Variants in TENM2 observed in about 807,000 individuals in gnomAD.
TENM2 encodes teneurin-2.
TENM2 carries 52 observed loss-of-function variants against 245.2 expected under a neutral mutation model. The ratio of observed to expected loss-of-function variants is 0.21; its 90% CI spans 0.17 to 0.27. The LOEUF is 0.27. Ranked by LOEUF, TENM2 falls within the 10% of genes least tolerant of loss-of-function variation. The pLI, the probability that TENM2 is intolerant of heterozygous loss-of-function variation, is 1.00. For synonymous variants in TENM2, 1,363 were observed against 1,438.9 expected (o/e 0.95, Z 1.19); for missense variants, 3,046 against 3,666.8 (o/e 0.83, Z 4.37).
chr5:167,079,385 C>T, the TENM2 span, among the ~76,000 whole-genome samples: 2 of 150,306 alleles, frequency 1.3e-5, no homozygotes. Flanking sequence ...GTGATCTCAG[C>T]TCACTGCAAC....
At chr5:167,101,869 A>ATATATAAATATATATATATATATATG in the TENM2 span, among the ~76,000 whole-genome samples, 1 of 125,754 alleles carries the variant, frequency 8.0e-6, no homozygotes, top group South Asian at 2.8e-4. Context: ...ATATATATAT[A>ATATATAAATATATATATATATATATG]TATATATGCA....
intron 6 of TENM2, among the ~76,000 whole-genome samples, chr5:168,057,285 AC>A (rs937330799): frequency 6.7e-6 from 1 of 148,976 alleles, no homozygotes; most frequent in Admixed American, 6.8e-5. Flanking sequence ...CCTCCTGCTG[AC>A]CCCCTACCCC....
At chr5:167,261,101 A>G in the TENM2 span, among the ~76,000 whole-genome samples, 4 of 152,180 alleles carry the variant, frequency 2.6e-5, no homozygotes, top group Non-Finnish European at 5.9e-5. Flanking sequence ...TTAGAAATAC[A>G]GAGTCTCATG....
At chr5:167,345,819 A>G (rs1041144914) in intron 1 of TENM2, among the ~76,000 whole-genome samples, 8 of 151,872 alleles carry the variant, frequency 5.3e-5, no homozygotes, top group African/African-American at 1.9e-4. Flanking sequence ...TTTTGAGAGG[A>G]CACTTTTTTT....
chr5:167,607,018 A>G (rs904600140), intron 2 of TENM2, among the ~76,000 whole-genome samples: 8 of 152,272 alleles, frequency 5.3e-5, no homozygotes, highest in African/African-American at 1.9e-4. Context: ...TATATCAGGA[A>G]GGCAATCCAG....
At chr5:167,688,635 A>G (rs535500419) in intron 2 of TENM2, among the ~76,000 whole-genome samples, 1 of 152,250 alleles carries the variant, frequency 6.6e-6, no homozygotes, top group Non-Finnish European at 1.5e-5. Context: ...GAAAACCATG[A>G]AAACAAGTGC....
At chr5:167,459,940 A>G (rs1369545356) in intron 2 of TENM2, among the ~76,000 whole-genome samples, 4 of 151,814 alleles carry the variant, frequency 2.6e-5, no homozygotes, top group Non-Finnish European at 5.9e-5. Context: ...ACACACGCAC[A>G]CACACACACA....
chr5:167,853,406 C>A (rs113008182), intron 2 of TENM2, among the ~76,000 whole-genome samples: 1 of 151,214 alleles, frequency 6.6e-6, no homozygotes, highest in African/African-American at 2.4e-5. Context: ...GTAGAACTCT[C>A]GTGAGACAAC....
the TENM2 span, among the ~76,000 whole-genome samples, chr5:167,105,716 G>A: frequency 1.3e-5 from 2 of 149,768 alleles, no homozygotes; most frequent in African/African-American, 2.5e-5. Context: ...GTGAAACCCC[G>A]TCTCTACTAA....
At chr5:167,359,642 A>G (rs1392596334) in intron 1 of TENM2, among the ~76,000 whole-genome samples, 1 of 152,078 alleles carries the variant, frequency 6.6e-6, no homozygotes, top group Non-Finnish European at 1.5e-5. Context: ...AACCTTTGCC[A>G]GTTCTTACGT....
intron 3 of TENM2, chr5:167,937,923 C>A (rs1778861183): frequency 6.6e-6 from 1 of 152,220 alleles, no homozygotes. Context: ...TTCATGCATG[C>A]AAAGAGCACC....
intron 2 of TENM2, among the ~76,000 whole-genome samples, chr5:167,624,731 A>G (rs767604005): frequency 4.6e-5 from 7 of 152,230 alleles, no homozygotes; most frequent in Admixed American, 3.9e-4. Flanking sequence ...TCTGCCAGTT[A>G]TAACTTCAGG....
At chr5:167,749,483 C>T (rs557454975) in intron 2 of TENM2, among the ~76,000 whole-genome samples, 1 of 152,012 alleles carries the variant, frequency 6.6e-6, no homozygotes, top group South Asian at 2.1e-4. Context: ...ACTAAAAATA[C>T]AAAAATCAGC....
chr5:167,527,648 C>T (rs1220630545), intron 2 of TENM2, among the ~76,000 whole-genome samples: 1 of 152,128 alleles, frequency 6.6e-6, no homozygotes, highest in Non-Finnish European at 1.5e-5. Flanking sequence ...ATATTCTGTG[C>T]ATACATCTCT....
intron 2 of TENM2, among the ~76,000 whole-genome samples, chr5:167,480,576 A>C (rs1014855329): frequency 6.6e-6 from 1 of 152,210 alleles, no homozygotes; most frequent in South Asian, 2.1e-4. Context: ...TTAGGCCTGG[A>C]AATCTGCATT....
chr5:166,999,888 G>A, the TENM2 span, among the ~76,000 whole-genome samples: 2 of 152,236 alleles, frequency 1.3e-5, no homozygotes, highest in South Asian at 2.1e-4. Flanking sequence ...AGAGAGGAAG[G>A]AATAGAGCTG....
intron 2 of TENM2, among the ~76,000 whole-genome samples, chr5:167,794,047 C>T (rs759979881): frequency 1.3e-5 from 2 of 151,850 alleles, no homozygotes; most frequent in African/African-American, 2.4e-5. Flanking sequence ...TGAGGAATAT[C>T]GCTTAGGGCT....
chr5:167,662,595 C>T (rs931857998), intron 2 of TENM2, among the ~76,000 whole-genome samples: 1 of 152,184 alleles, frequency 6.6e-6, no homozygotes, highest in Non-Finnish European at 1.5e-5. Flanking sequence ...CTCATCATCT[C>T]CTCTCATTTT....
At chr5:167,747,136 G>A (rs1009282755) in intron 2 of TENM2, among the ~76,000 whole-genome samples, 3 of 152,258 alleles carry the variant, frequency 2.0e-5, no homozygotes, top group Middle Eastern at 3.4e-3. Context: ...CTGATATTTA[G>A]CTTTGCATTA....
Sources: gnomAD v4.1 joint callset for allele counts (sites outside exome capture counted in the v4.1 genomes callset) on GRCh38, gnomAD v4.1.1 for gene constraint, MANE v1.5 for transcripts, NCBI Gene and HGNC (gene_info 2026-07-23, HGNC 2026-07-21) for gene names.